Variants in OR56A3 observed in about 807,000 individuals in gnomAD.
OR56A3 encodes the protein olfactory receptor 56A3.
In OR56A3, 23 loss-of-function variants were observed where a neutral mutation model predicts 17.5. The observed-to-expected ratio is 1.32, with a 90% CI of 0.95 to 1.87. The LOEUF (loss-of-function observed/expected upper bound fraction) is 1.87, where lower values mean the gene tolerates loss of function less well. OR56A3 is among the 40% of genes most tolerant of loss of function. The probability of loss-of-function intolerance (pLI) is 0.00; values close to 1 mark genes in which losing one functional copy is unlikely to be tolerated. For synonymous variants in OR56A3, 175 were observed against 150.6 expected, an observed-to-expected ratio of 1.16 and a Z score of -1.19; for missense variants, 366 against 380.1, an observed-to-expected ratio of 0.96 and a Z score of 0.31.
At chr11:5,994,892 C>G in the OR56A3 span, 1 of 758,058 alleles carries the variant, frequency 1.3e-6, no homozygotes, top group Non-Finnish European at 2.4e-6. Context: ...GGAGGCCAGG[C>G]AGTCATTCAG....
the OR56A3 span, among the ~76,000 whole-genome samples, chr11:5,971,034 A>G: frequency 6.6e-6 from 1 of 152,228 alleles, no homozygotes; most frequent in African/African-American, 2.4e-5. Flanking sequence ...GAAGCTCAAG[A>G]TAATAGCTGA....
chr11:6,019,118 C>A, the OR56A3 span, among the ~76,000 whole-genome samples: 1 of 151,890 alleles, frequency 6.6e-6, no homozygotes, highest in Admixed American at 6.6e-5. Flanking sequence ...AACACCAATT[C>A]TTCTAAAACT....
chr11:6,002,311 C>T, the OR56A3 span: 4 of 1,614,164 alleles, frequency 2.5e-6, no homozygotes, highest in African/African-American at 5.3e-5. Context: ...ATCCTAAGCA[C>T]AACTTTCAAT....
At chr11:5,999,906 G>A in the OR56A3 span, 2 of 152,238 alleles carry the variant, frequency 1.3e-5, no homozygotes. Context: ...GAGGATCAGG[G>A]AAGGAAGACC....
chr11:5,965,175 A>G, the OR56A3 span, among the ~76,000 whole-genome samples: 2 of 152,244 alleles, frequency 1.3e-5, no homozygotes, highest in Non-Finnish European at 2.9e-5. Context: ...CATTTGAGAA[A>G]TCAACGTGCA....
In OR56A3 at chr11:5,943,428, C is replaced by T. The variant is rs1847850661; in HGVS notation, c.-314+1054C>T. On this transcript the variant is annotated intron_variant, in intron 1 of 2. Transcript: ENST00000641160. ...ATTTTCTCTACTTCCAAGCACAAAA[C>T]ATTTAATTCCTTCTAGGAGTCCTTT... 4 of 146,720 alleles carry T rather than the reference C, an allele frequency of 2.7e-5. No individual in the cohort carries two copies. In the Admixed American group the frequency reaches 2.7e-4, roughly 10 times the overall value. 9.1% of individuals were successfully genotyped at this position (146,720 alleles called of 1,614,324 possible). A position where few individuals can be genotyped will look rare whatever the true frequency, so the allele number is the denominator to read the frequency against.
the OR56A3 span, among the ~76,000 whole-genome samples, chr11:6,012,531 C>G: frequency 1.3e-5 from 2 of 152,102 alleles, no homozygotes; most frequent in Non-Finnish European, 2.9e-5. Context: ...ATCCCATTGT[C>G]TGCAGTTCTT....
At chr11:5,943,823 G>A (rs900906974) in intron 1 of OR56A3, among the ~76,000 whole-genome samples, 2 of 152,206 alleles carry the variant, frequency 1.3e-5, no homozygotes, top group African/African-American at 4.8e-5. Context: ...AGGATCAGAG[G>A]ATGCAATGAG....
At chr11:6,007,588 T>C in the OR56A3 span, among the ~76,000 whole-genome samples, 1 of 145,238 alleles carries the variant, frequency 6.9e-6, no homozygotes, top group South Asian at 2.2e-4. Context: ...ATTTTAAAAA[T>C]AAGAAAGGAA....
At chr11:5,987,900 C>T in the OR56A3 span, among the ~76,000 whole-genome samples, 3 of 152,044 alleles carry the variant, frequency 2.0e-5, no homozygotes, top group Non-Finnish European at 4.4e-5. Flanking sequence ...GGTTTTTTTT[C>T]TAAAATGCAG....
chr11:5,978,433 A>G, the OR56A3 span, among the ~76,000 whole-genome samples: 1 of 151,972 alleles, frequency 6.6e-6, no homozygotes, highest in African/African-American at 2.4e-5. Flanking sequence ...TCTCCTGGTT[A>G]TCTGTATTTC....
rs544369981 is a variant in OR56A3 at position 5,945,475 on chromosome 11, T to C, written c.-37+393T>C. 8.5e-4 allele frequency among the ~76,000 whole-genome samples: 128 copies of C among 150,344 alleles called. 2 individuals are homozygous for C. The South Asian group carries it at 0.024, about 28-fold the overall frequency. On this transcript the variant is annotated intron_variant, in intron 2 of 2. Transcript: ENST00000641160. The stretch of plus-strand genomic sequence containing the variant: ...CGTGTGCCTGTAATCCCAGCTACTC[T>C]GGAGGCTGAGGCGGGAGAATCGCTT...
the OR56A3 span, chr11:6,003,161 T>A: frequency 6.6e-7 from 1 of 1,522,900 alleles, no homozygotes; most frequent in East Asian, 2.3e-5. Flanking sequence ...TCCCTTATAT[T>A]TAACCAAGTA....
At chr11:5,965,184 C>A in the OR56A3 span, among the ~76,000 whole-genome samples, 1 of 152,134 alleles carries the variant, frequency 6.6e-6, no homozygotes, top group African/African-American at 2.4e-5. Flanking sequence ...AATCAACGTG[C>A]ATTAGAAAAT....
chr11:5,966,760 A>G, the OR56A3 span, among the ~76,000 whole-genome samples: 1 of 152,184 alleles, frequency 6.6e-6, no homozygotes, highest in African/African-American at 2.4e-5. Flanking sequence ...GTTTAACTGT[A>G]TATCTAAGAC....
the OR56A3 span, among the ~76,000 whole-genome samples, chr11:6,011,201 A>ATT: frequency 5.7e-5 from 6 of 104,858 alleles, no homozygotes; most frequent in Non-Finnish European, 1.3e-4. Flanking sequence ...GAGGAGATTT[A>ATT]TTTTATATAT....
chr11:5,970,286 T>C, the OR56A3 span, among the ~76,000 whole-genome samples: 1 of 152,010 alleles, frequency 6.6e-6, no homozygotes. Flanking sequence ...GGTAAAGAGA[T>C]TGCAAGGAGA....
the OR56A3 span, among the ~76,000 whole-genome samples, chr11:5,990,069 G>T: frequency 6.6e-6 from 1 of 152,046 alleles, no homozygotes; most frequent in Admixed American, 6.6e-5. Context: ...TTACCACTTT[G>T]TCCCTGCATT....
the OR56A3 span, chr11:5,999,430 T>G: frequency 6.6e-6 from 1 of 152,132 alleles, no homozygotes; most frequent in East Asian, 1.9e-4. Context: ...AAAAAATAAA[T>G]TAACACCATT....
Sources: gnomAD v4.1 joint callset for allele counts (sites outside exome capture counted in the v4.1 genomes callset) on GRCh38, gnomAD v4.1.1 for gene constraint, MANE v1.5 for transcripts, NCBI Gene and HGNC (gene_info 2026-07-23, HGNC 2026-07-21) for gene names.